The following ASAP3 variants were observed in gnomAD, a reference collection of about 807,000 sequenced individuals.
ASAP3 encodes arf-GAP with SH3 domain, ANK repeat and PH domain-containing protein 3.
Under a neutral mutation model 118.2 loss-of-function variants are expected in ASAP3, and 85 were observed. The ratio of observed to expected loss-of-function variants is 0.72; its 90% CI spans 0.60 to 0.86. The LOEUF is 0.86. ASAP3 is among the 40% of genes least tolerant of loss of function. ASAP3 has a pLI of 0.00. For missense variants in ASAP3, 1,026 were observed against 1,175.0 expected, an observed-to-expected ratio of 0.87 and a Z score of 1.85; for synonymous variants, 432 against 477.4, an observed-to-expected ratio of 0.90 and a Z score of 1.24.
intron 18 of ASAP3, 21 bp downstream of exon 18, chr1:23,434,510 CAG>C (rs769525278): frequency 1.2e-6 from 2 of 1,613,706 alleles, no homozygotes; most frequent in Admixed American, 3.3e-5. Flanking sequence ...AGGAGCCAGA[CAG>C]ACAGGCAGGG....
chr1:23,456,220 C>A, intron 1 of ASAP3, 26 bp from the exon 2 acceptor site: 1 of 1,609,348 alleles, frequency 6.2e-7, no homozygotes, highest in South Asian at 1.1e-5. Context: ...GACAGAGGTT[C>A]AGGGATGCCA....
chr1:23,435,644 G>T (rs1640609921), intron 17 of ASAP3: 1 of 635,706 alleles, frequency 1.6e-6, no homozygotes. Context: ...ACCTGCCCTA[G>T]ATCACACAGC....
rs768889298 is a variant in ASAP3 at position 23,435,897 on chromosome 1, G to A, written c.1703C>T (p.Ala568Val). 6 of 1,614,268 alleles carry A rather than the reference G, an allele frequency of 3.7e-6. No individual in the cohort carries two copies. The South Asian group carries it at 5.5e-5, about 15-fold the overall frequency. ...CGGCTGTCCAAAGTCCTGCCCATTG[G>A]CAAAGGCCTCCAGTACCGACAGGAG... The part of the protein sequence containing the change: ...RDLLSVLEAF[A>V]NGQDFGQPLP... The change falls in exon 17 of 25, where the codon GCC becomes GTC. Residue 568 changes from alanine (A) to valine (V), a missense_variant. Coordinates refer to ENST00000336689, the MANE Select transcript of ASAP3 (RefSeq NM_017707.4).
chr1:23,430,815 G>C (rs1251867756), intron 24 of ASAP3, among the ~76,000 whole-genome samples: 1 of 152,104 alleles, frequency 6.6e-6, no homozygotes, highest in African/African-American at 2.4e-5. Flanking sequence ...CACCAGGACA[G>C]GGACTGGCCA....
chr1:23,470,102 G>A (rs74062721), intron 1 of ASAP3, among the ~76,000 whole-genome samples: 2,379 of 152,280 alleles, frequency 0.016, 64 homozygotes, highest in African/African-American at 0.055. Flanking sequence ...GGCTGTCTCT[G>A]CCATTAAGCC....
At chr1:23,462,180 C>G (rs572411109) in intron 1 of ASAP3, among the ~76,000 whole-genome samples, 1 of 151,920 alleles carries the variant, frequency 6.6e-6, no homozygotes, top group African/African-American at 2.4e-5. Flanking sequence ...CCCGCCACCA[C>G]GCCCGGCTAA....
intron 1 of ASAP3, among the ~76,000 whole-genome samples, chr1:23,481,336 G>A (rs749586736): frequency 1.4e-4 from 21 of 152,202 alleles, no homozygotes; most frequent in Non-Finnish European, 1.8e-4. Context: ...AGAATCAGTT[G>A]CATTTTGATT....
At chr1:23,435,801 G>C in intron 17 of ASAP3, 50 bp downstream of exon 17, 1 of 1,604,776 alleles carries the variant, frequency 6.2e-7, no homozygotes, top group Non-Finnish European at 8.5e-7. Flanking sequence ...GAAGAACTGG[G>C]GAATATGTTA....
At chr1:23,476,868 T>C (rs753055070) in intron 1 of ASAP3, among the ~76,000 whole-genome samples, 3 of 152,160 alleles carry the variant, frequency 2.0e-5, no homozygotes, top group Non-Finnish European at 4.4e-5. Context: ...TGCTCCTTTT[T>C]AGTTTTTTTT....
Position 23,448,262 on chromosome 1 carries a change from C to G in ASAP3, c.473+3217G>C, listed in dbSNP as rs944580536. The stretch of plus-strand genomic sequence containing the variant: ...TGCAGGCAGGAAAGTATTTAAATAC[C>G]ACACACCCACCAACCTTGAAACCTT... On this transcript the variant is annotated intron_variant, in intron 5 of 24. Coordinates refer to ENST00000336689, the MANE Select transcript of ASAP3 (RefSeq NM_017707.4). 2.6e-5 allele frequency among the ~76,000 whole-genome samples: 4 copies of G among 152,248 alleles called. No homozygotes were observed. In the East Asian group the frequency reaches 7.7e-4, roughly 29 times the overall value.
At chr1:23,449,320 C>T (rs1641141999) in intron 5 of ASAP3, among the ~76,000 whole-genome samples, 1 of 152,170 alleles carries the variant, frequency 6.6e-6, no homozygotes, top group African/African-American at 2.4e-5. Context: ...GTATTACTGT[C>T]CCTATTGTAC....
At position 23,456,135 on chromosome 1, in the gene ASAP3, A is replaced by G. The variant is rs1641377436; in HGVS notation, c.189T>C (p.His63=). ...AGGCTCACTTACCAAGGCCGGAGCT[A>G]TGGATTGCCCGCACAGCCTTCTTTA... ...QRIKKAVRAI[H]SSGLGHVENE... Residue 63 remains histidine (H), a synonymous_variant, in exon 2 of 25, where the codon CAT becomes CAC. Transcript: ENST00000336689. The G allele has an allele frequency of 3.1e-6, 5 of 1,614,118 alleles. No homozygotes were observed. Among genetic ancestry groups the G allele is most frequent in the Non-Finnish European group, 4.2e-6 (5 of 1,180,010 alleles).
In ASAP3 at chr1:23,462,797, G is replaced by A. The variant is rs546749919; in HGVS notation, c.130-6603C>T. Among the ~76,000 whole-genome samples, 130 of 152,190 alleles carry A rather than the reference G, an allele frequency of 8.5e-4. 2 individuals carry two copies. The South Asian group carries it at 0.024, about 28-fold the overall frequency. On this transcript the variant is annotated intron_variant, in intron 1 of 24. Coordinates refer to ENST00000336689, the MANE Select transcript of ASAP3 (RefSeq NM_017707.4). ...AAAAGACACAATCTCAGCTCTCAAG[G>A]ACATCATCATTGAAGGGAAGAAAAA...
intron 3 of ASAP3, 31 bp downstream of exon 3, chr1:23,455,850 A>T (rs1202769496): frequency 1.2e-6 from 2 of 1,612,840 alleles, no homozygotes; most frequent in South Asian, 2.2e-5. Context: ...ATTTACCCTG[A>T]GTCTGGGCAA....
intron 22 of ASAP3, 92 bp downstream of exon 22, chr1:23,432,985 C>T (rs983121923): frequency 9.7e-6 from 14 of 1,445,714 alleles, no homozygotes; most frequent in East Asian, 2.3e-5. Flanking sequence ...AAGGATAGTA[C>T]GGACTAACAT....
Position 23,434,352 on chromosome 1 carries a change from T to G in ASAP3, c.1853A>C (p.Lys618Thr). ...CAGAGCCGTGTTCCCGTCAGCAGCC[T>G]TGGCATCCAGGTGACCACTGGGGAG... Reference protein sequence around the residue: ...IIQNGGHLDAKAADGNTALHY... With the variant: ...IIQNGGHLDATAADGNTALHY... Residue 618 changes from lysine (K) to threonine (T), a missense_variant, in exon 19 of 25, where the codon AAG (lysine) becomes ACG (threonine). Coordinates refer to ENST00000336689, the MANE Select transcript of ASAP3 (RefSeq NM_017707.4). The G allele has an allele frequency of 1.2e-6, 2 of 1,614,020 alleles. No homozygotes were observed. Among genetic ancestry groups the G allele is most frequent in the Non-Finnish European group, 1.7e-6 (2 of 1,180,016 alleles).
At position 23,436,955 on chromosome 1, in the gene ASAP3, T is replaced by A; in HGVS notation, c.1432A>T (p.Met478Leu). Reference sequence around the variant, plus strand: ...AGCAGGTCCAAGGTGAGTGACTGCATGCGCGAAAAGCGCACGCCCAGTTCG... The same window carrying A: ...AGCAGGTCCAAGGTGAGTGACTGCAAGCGCGAAAAGCGCACGCCCAGTTCG... ...HRELGVRFSRMQSLTLDLLGP... is the reference protein window; with the variant it reads ...HRELGVRFSRLQSLTLDLLGP... Residue 478 changes from methionine to leucine, a missense_variant, in exon 15 of 25, where the codon ATG becomes TTG. Transcript: ENST00000336689. This position sits in a 1 kb window ranked among gnomAD's most constrained non-coding sequence, Gnocchi z 4.2. 1 of 1,612,132 alleles carries A rather than the reference T, an allele frequency of 6.2e-7. No individual in the cohort carries two copies. Among genetic ancestry groups the A allele is most frequent in the Non-Finnish European group, 8.5e-7 (1 of 1,179,754 alleles).
At chr1:23,470,509 A>C (rs1247142348) in intron 1 of ASAP3, among the ~76,000 whole-genome samples, 1 of 152,204 alleles carries the variant, frequency 6.6e-6, no homozygotes, top group African/African-American at 2.4e-5. Flanking sequence ...GGCCAGCCCC[A>C]GCCCTGCCCC....
At chr1:23,449,351 A>G (rs1641142839) in intron 5 of ASAP3, among the ~76,000 whole-genome samples, 1 of 152,192 alleles carries the variant, frequency 6.6e-6, no homozygotes. Flanking sequence ...ACAGACCTGT[A>G]CATGGAACTG....
Sources: allele counts gnomAD v4.1 joint callset (sites outside exome capture counted in the v4.1 genomes callset), GRCh38; gene constraint gnomAD v4.1.1; non-coding constraint Gnocchi (gnomAD v3.1); transcripts MANE v1.5; gene names NCBI Gene and HGNC (gene_info 2026-07-23, HGNC 2026-07-21).